The following NUP54 variants were observed in gnomAD, a reference collection of about 807,000 sequenced individuals.
NUP54 encodes nucleoporin p54.
NUP54 carries 27 observed loss-of-function variants against 66.4 expected under a neutral mutation model. That is an observed-to-expected ratio of 0.41 (90% CI 0.30 to 0.56). The LOEUF is 0.56. Ranked by LOEUF, NUP54 falls within the 20% of genes least tolerant of loss-of-function variation. The pLI is 0.34. For synonymous variants in NUP54, 206 were observed against 210.7 expected (o/e 0.98, Z 0.19); for missense variants, 486 against 596.3 (o/e 0.82, Z 1.93).
Position 76,132,678 on chromosome 4 carries a change from C to A in NUP54, c.752G>T (p.Gly251Val), listed in dbSNP as rs959441880. ...TGTAGCTGGAACTCTTCTTGAAGTA[C>A]CATTTGGCGAACGCTCAACAACATA... Reference protein sequence around the residue: ...VIYVVERSPNGTSRRVPATTL... With the variant: ...VIYVVERSPNVTSRRVPATTL... Residue 251 changes from glycine to valine, a missense_variant, in exon 6 of 12, where the codon GGT (glycine) becomes GTT (valine). Physicochemically the swap from Gly to Val is moderately radical, Grantham distance 109. This residue lies in a region of NUP54 where 217 missense variants were observed against 247.9 expected (regional missense o/e 0.88). Transcript: ENST00000264883. 6.2e-7 allele frequency: 1 copy of A among 1,613,562 alleles called. No individual in the cohort carries two copies. Among genetic ancestry groups the A allele is most frequent in the Admixed American group, 1.7e-5 (1 of 59,932 alleles).
chr4:76,147,905 C>A, intron 1 of NUP54: 1 of 286,850 alleles, frequency 3.5e-6, no homozygotes, highest in African/African-American at 2.2e-5. Flanking sequence ...GGATCCCCAG[C>A]CCTATCCTCG....
At chr4:76,120,400 C>T (rs1301530772) in intron 9 of NUP54, among the ~76,000 whole-genome samples, 9 of 151,120 alleles carry the variant, frequency 6.0e-5, no homozygotes, top group Non-Finnish European at 1.0e-4. Flanking sequence ...TTTTCCCAAC[C>T]GCATGAGTGT....
chr4:76,135,602 A>G (rs1028448610), intron 4 of NUP54, among the ~76,000 whole-genome samples: 1 of 152,232 alleles, frequency 6.6e-6, no homozygotes, highest in Non-Finnish European at 1.5e-5. Flanking sequence ...TAAGAGACCA[A>G]CGTAGGCCAA....
At position 76,118,188 on chromosome 4, in the gene NUP54, T is replaced by C; in HGVS notation, c.1171A>G (p.Ile391Val). 6.2e-7 allele frequency: 1 copy of C among 1,613,178 alleles called. No individual in the cohort carries two copies. Among genetic ancestry groups the C allele is most frequent in the Non-Finnish European group, 8.5e-7 (1 of 1,179,348 alleles). ...CTCTTCCTTTGAATTTCCTGTTTGATTAGGACCTATACAAATAAAAACCAC... is the reference window on the plus strand; with the variant it reads ...CTCTTCCTTTGAATTTCCTGTTTGACTAGGACCTATACAAATAAAAACCAC... ...DLSHRTLQVLIKQEIQRKSGY... is the reference protein window; with the variant it reads ...DLSHRTLQVLVKQEIQRKSGY... Residue 391 changes from isoleucine (I) to valine (V), a missense_variant, in exon 10 of 12, where the codon ATC (isoleucine) becomes GTC (valine). By Grantham distance (29) the Ile-to-Val change is conservative. This residue lies in a region of NUP54 where 217 missense variants were observed against 247.9 expected (regional missense o/e 0.88). Transcript: ENST00000264883.
chr4:76,142,789 T>C (rs918349094), intron 3 of NUP54, among the ~76,000 whole-genome samples: 4 of 152,072 alleles, frequency 2.6e-5, no homozygotes, highest in African/African-American at 7.2e-5. Context: ...AATTTAAGCA[T>C]CAATAAGAAT....
chr4:76,133,509 G>T (rs552533433), intron 5 of NUP54, among the ~76,000 whole-genome samples: 29 of 152,052 alleles, frequency 1.9e-4, no homozygotes, highest in Non-Finnish European at 4.0e-4. Context: ...GGGTTTCACC[G>T]TGTCAGCCAG....
chr4:76,148,317 C>T lies in NUP54; in HGVS notation c.58G>A (p.Ala20Thr), dbSNP rs1731603421. The change falls in exon 1 of 12, where the codon GCC (alanine) becomes ACC (threonine). Residue 20 changes from alanine (A) to threonine (T), a missense_variant. This residue lies in a region of NUP54 where 145 missense variants were observed against 137.1 expected (regional missense o/e 1.06). Coordinates refer to ENST00000264883, the MANE Select transcript of NUP54 (RefSeq NM_017426.4). ...TAGGGGGATCACTCACCCGCGGGGG[C>T]CGCGGTGGCTGCAGCGGTACCGGAG... The part of the protein sequence containing the change: ...GTSGTAAATA[A>T]PAGGFGGFGT... 7 of 1,519,378 alleles carry T rather than the reference C, an allele frequency of 4.6e-6. No homozygotes were observed. The highest frequency in any genetic ancestry group is 2.1e-5 in the Admixed American group (1 of 47,484). The allele number at this position is 1,519,378 out of a possible 1,614,324, so 94.1% of individuals were successfully genotyped here.
intron 1 of NUP54, chr4:76,147,519 C>G (rs1193115882): frequency 7.8e-7 from 1 of 1,289,608 alleles, no homozygotes; most frequent in South Asian, 1.2e-5. Context: ...ACGGAGTCGC[C>G]GAGGTAGTAG....
chr4:76,121,636 T>A (rs62299355), intron 9 of NUP54, among the ~76,000 whole-genome samples: 19,935 of 152,108 alleles, frequency 0.13, 1,508 homozygotes, highest in East Asian at 0.34. Context: ...CAGCTTAATC[T>A]ATTTTTAAAA....
chr4:76,121,457 C>G (rs1488325512), intron 9 of NUP54, among the ~76,000 whole-genome samples: 1 of 152,058 alleles, frequency 6.6e-6, no homozygotes, highest in Non-Finnish European at 1.5e-5. Flanking sequence ...AAATTTTAAT[C>G]AAAATTTTTT....
chr4:76,141,058 AC>A (rs1731250361), intron 3 of NUP54, among the ~76,000 whole-genome samples: 2 of 152,244 alleles, frequency 1.3e-5, no homozygotes, highest in African/African-American at 4.8e-5. Flanking sequence ...GGCGGTTGTC[AC>A]AAAGTCAAAT....
intron 6 of NUP54, 22 bp downstream of exon 6, chr4:76,132,501 C>T: frequency 1.3e-6 from 2 of 1,512,376 alleles, no homozygotes; most frequent in Admixed American, 2.2e-5. Context: ...TTTTTTTGAA[C>T]TCTGTGATTC....
rs191090035 is a variant in NUP54 at position 76,131,500 on chromosome 4, A to G, written c.908-216T>C. Among the ~76,000 whole-genome samples, 7 of 152,208 alleles carry G rather than the reference A, an allele frequency of 4.6e-5. 1 individual carries two copies. The East Asian group carries it at 1.3e-3, about 29-fold the overall frequency. ...AACTATCTATAACCTATAGGATAATAGATTAACCTCCAGAATATAGAAAGA... is the reference window on the plus strand; with the variant it reads ...AACTATCTATAACCTATAGGATAATGGATTAACCTCCAGAATATAGAAAGA... On this transcript the variant is annotated intron_variant, in intron 6 of 11. Transcript: ENST00000264883.
intron 5 of NUP54, 146 bp from the exon 6 acceptor site, chr4:76,132,865 T>A: frequency 1.6e-6 from 1 of 638,808 alleles, no homozygotes; most frequent in Non-Finnish European, 2.6e-6. Flanking sequence ...GTTTCCTTTT[T>A]TTTTTTTTTT....
rs116163264 is a variant in NUP54, at chr4:76,146,272, A to G, written c.68-1799T>C. On this transcript the variant is annotated intron_variant, in intron 1 of 11. Transcript: ENST00000264883. ...ATAACTCCAAATGAACATGAAATCA[A>G]GCAAATACCAACAAGTTTATTTATT... 1,458 of 221,078 alleles carry G rather than the reference A, an allele frequency of 6.6e-3. 7 individuals are homozygous for G. Among genetic ancestry groups the G allele is most frequent in the Non-Finnish European group, 9.7e-3 (1,040 of 107,166 alleles). The allele number at this position is 221,078 out of a possible 1,614,324, so 13.7% of individuals were successfully genotyped here.
intron 6 of NUP54, 83 bp from the exon 7 acceptor site, chr4:76,131,367 AC>A: frequency 1.4e-6 from 1 of 733,352 alleles, no homozygotes; most frequent in Non-Finnish European, 2.2e-6. Flanking sequence ...CTAAAGCAAG[AC>A]CCTATACCTA....
intron 8 of NUP54, among the ~76,000 whole-genome samples, chr4:76,125,865 G>GGAGAGAGAGAGAGAGA (rs72044977): frequency 1.1e-5 from 1 of 90,046 alleles, no homozygotes; most frequent in African/African-American, 4.6e-5. Context: ...GGAGGGGGAG[G>GGAGAGAGAGAGAGAGA]GAGAGAGAGA....
At position 76,143,553 on chromosome 4, in the gene NUP54, G is replaced by A. The variant is rs191868483; in HGVS notation, c.295+596C>T. 6.0e-3 allele frequency among the ~76,000 whole-genome samples: 908 copies of A among 152,294 alleles called. 5 individuals are homozygous for A. The highest frequency in any genetic ancestry group is 0.019 in the African/African-American group (781 of 41,560). ...TGGGAGGCGGAGGTTGCAGTGAGCC[G>A]AGGTCGTGCCACTGCACTCCAGCCT... On this transcript the variant is annotated intron_variant, in intron 3 of 11. Transcript: ENST00000264883.
Position 76,144,152 on chromosome 4 carries a change from T to C in NUP54, c.292A>G (p.Thr98Ala), listed in dbSNP as rs1457078480. 2 of 1,610,428 alleles carry C rather than the reference T, an allele frequency of 1.2e-6. No individual in the cohort carries two copies. Among genetic ancestry groups the C allele is most frequent in the Non-Finnish European group, 1.7e-6 (2 of 1,178,364 alleles). ...GGFNTQQQQQ[T>A]TLGGLFSQPT... ...AAGCTGAAAACCTCATACTTACTAG[T>C]TTGCTGCTGCTGCTGTGTATTAAAT... Residue 98 changes from threonine to alanine, a missense_variant, in exon 3 of 12, where the codon ACT becomes GCT. Transcript: ENST00000264883.
Sources: gnomAD v4.1 joint callset for allele counts (sites outside exome capture counted in the v4.1 genomes callset) on GRCh38, gnomAD v4.1.1 for gene constraint, gnomAD v4.1.1 regional missense constraint, MANE v1.5 for transcripts, NCBI Gene and HGNC (gene_info 2026-07-23, HGNC 2026-07-21) for gene names.